Variants in SLC35F2 observed in about 807,000 individuals in gnomAD.
SLC35F2 encodes queuine/queuosine transporter SLC35F2.
SLC35F2 carries 25 observed loss-of-function variants against 38.1 expected under a neutral mutation model. The ratio of observed to expected loss-of-function variants is 0.66; its 90% CI spans 0.48 to 0.92. The LOEUF (loss-of-function observed/expected upper bound fraction) is 0.92, where lower values mean the gene tolerates loss of function less well. Ranked by LOEUF, SLC35F2 falls within the 40% of genes least tolerant of loss-of-function variation. The pLI, the probability that SLC35F2 is intolerant of heterozygous loss-of-function variation, is 0.00. For missense variants in SLC35F2, 409 were observed against 452.9 expected (o/e 0.90, Z 0.88); for synonymous variants, 173 against 181.7 (o/e 0.95, Z 0.38).
intron 7 of SLC35F2, among the ~76,000 whole-genome samples, chr11:107,795,056 A>G (rs1165384548): frequency 6.6e-6 from 1 of 152,210 alleles, no homozygotes; most frequent in Non-Finnish European, 1.5e-5. Context: ...AGATGACACA[A>G]ATGGAAACAC....
At chr11:107,855,577 G>T (rs544958) in intron 1 of SLC35F2, among the ~76,000 whole-genome samples, 1,920 of 152,084 alleles carry the variant, frequency 0.013, 52 homozygotes, top group African/African-American at 0.043. Context: ...GCTTGAACCC[G>T]GGAGGCGGAG....
At chr11:107,855,424 G>T (rs906890663) in intron 1 of SLC35F2, among the ~76,000 whole-genome samples, 1 of 151,956 alleles carries the variant, frequency 6.6e-6, no homozygotes, top group Admixed American at 6.6e-5. Flanking sequence ...AGGCCGAGGC[G>T]GGCGGATCAC....
intron 1 of SLC35F2, among the ~76,000 whole-genome samples, chr11:107,842,138 G>T (rs1860021370): frequency 6.7e-6 from 1 of 150,138 alleles, no homozygotes; most frequent in African/African-American, 2.4e-5. Flanking sequence ...GTGGTGGTGT[G>T]CCTATAACCC....
chr11:107,813,875 G>C (rs1441978117), intron 2 of SLC35F2, among the ~76,000 whole-genome samples: 1 of 152,040 alleles, frequency 6.6e-6, no homozygotes, highest in African/African-American at 2.4e-5. Flanking sequence ...GTGTTGCCCA[G>C]GCTTGTCTTG....
At chr11:107,843,957 G>A (rs1330716360) in intron 1 of SLC35F2, among the ~76,000 whole-genome samples, 2 of 142,674 alleles carry the variant, frequency 1.4e-5, no homozygotes, top group African/African-American at 5.2e-5. Flanking sequence ...TGTGTCATAG[G>A]CCAGTGATTA....
intron 1 of SLC35F2, among the ~76,000 whole-genome samples, chr11:107,836,064 C>A (rs1285533128): frequency 6.6e-6 from 1 of 152,164 alleles, no homozygotes; most frequent in African/African-American, 2.4e-5. Flanking sequence ...GAACATGCAG[C>A]TCATCCAAAG....
At chr11:107,817,018 C>G (rs1297596514) in intron 1 of SLC35F2, among the ~76,000 whole-genome samples, 2 of 152,144 alleles carry the variant, frequency 1.3e-5, no homozygotes, top group Non-Finnish European at 2.9e-5. Context: ...TGGCTCACAC[C>G]TGTAACCCCA....
intron 6 of SLC35F2, 197 bp from the exon 7 acceptor site, chr11:107,803,352 A>G (rs1268407327): frequency 3.0e-6 from 3 of 985,250 alleles, no homozygotes; most frequent in Non-Finnish European, 2.4e-6. Flanking sequence ...TGTGATGTAG[A>G]TAAAGGACCT....
intron 1 of SLC35F2, among the ~76,000 whole-genome samples, chr11:107,832,716 G>A (rs542728452): frequency 6.6e-6 from 1 of 152,288 alleles, no homozygotes; most frequent in South Asian, 2.1e-4. Flanking sequence ...TGAGATGAAA[G>A]GATCACCTGA....
chr11:107,803,191 C>A, intron 6 of SLC35F2, 36 bp from the exon 7 acceptor site: 1 of 1,567,708 alleles, frequency 6.4e-7, no homozygotes, highest in Non-Finnish European at 8.6e-7. Flanking sequence ...AATATTAGGG[C>A]AAGAAAACAT....
intron 7 of SLC35F2, among the ~76,000 whole-genome samples, chr11:107,798,436 C>A (rs150965339): frequency 1.3e-5 from 2 of 152,306 alleles, no homozygotes; most frequent in African/African-American, 4.8e-5. Flanking sequence ...AGAAGAAAAA[C>A]TATCATGTCT....
At chr11:107,811,181 T>G in intron 3 of SLC35F2, 1 of 984,942 alleles carries the variant, frequency 1.0e-6, no homozygotes, top group Non-Finnish European at 1.2e-6. Context: ...TTTCTTTCAA[T>G]GCAGCAAGAA....
intron 1 of SLC35F2, among the ~76,000 whole-genome samples, chr11:107,817,288 GAAAGAAAAGAAAAAA>G (rs575790552): frequency 1.3e-3 from 199 of 149,716 alleles, no homozygotes; most frequent in Non-Finnish European, 2.1e-3. Flanking sequence ...AGAAAGGAAA[GAAAGAAAAGAAAAAA>G]AAAGAAAAGA....
intron 1 of SLC35F2, among the ~76,000 whole-genome samples, chr11:107,827,522 G>C (rs928234689): frequency 6.6e-6 from 1 of 152,118 alleles, no homozygotes; most frequent in African/African-American, 2.4e-5. Context: ...GCCGGGGCGG[G>C]AGGATCACCT....
intron 7 of SLC35F2, among the ~76,000 whole-genome samples, chr11:107,799,463 G>A (rs1444194791): frequency 6.6e-6 from 1 of 152,198 alleles, no homozygotes; most frequent in African/African-American, 2.4e-5. Flanking sequence ...CAGATGAAAT[G>A]CAGCCACGGC....
intron 1 of SLC35F2, among the ~76,000 whole-genome samples, chr11:107,838,192 G>A (rs1859959430): frequency 6.6e-6 from 1 of 152,030 alleles, no homozygotes; most frequent in Non-Finnish European, 1.5e-5. Context: ...CATAACCACT[G>A]TTACACTGCA....
intron 2 of SLC35F2, among the ~76,000 whole-genome samples, chr11:107,815,370 C>G (rs1431893851): frequency 7.0e-6 from 1 of 142,038 alleles, no homozygotes; most frequent in Non-Finnish European, 1.5e-5. Context: ...CGCAACATGG[C>G]AAAAACCCAT....
intron 6 of SLC35F2, among the ~76,000 whole-genome samples, chr11:107,803,725 A>G (rs1859351920): frequency 6.6e-6 from 1 of 151,698 alleles, no homozygotes; most frequent in Non-Finnish European, 1.5e-5. Flanking sequence ...TGTTGACTAC[A>G]TTAGCAGTAT....
intron 1 of SLC35F2, among the ~76,000 whole-genome samples, chr11:107,844,416 T>C (rs552806200): frequency 3.3e-4 from 49 of 149,422 alleles, no homozygotes; most frequent in Middle Eastern, 4.0e-3. Flanking sequence ...TCACCTAAGG[T>C]CAGGAGTTTG....
Sources: gnomAD v4.1 joint callset for allele counts (sites outside exome capture counted in the v4.1 genomes callset) on GRCh38, gnomAD v4.1.1 for gene constraint, MANE v1.5 for transcripts, NCBI Gene and HGNC (gene_info 2026-07-23, HGNC 2026-07-21) for gene names.